IFT74: variants seen among roughly 807,000 people sequenced by gnomAD.
The protein encoded by IFT74 is intraflagellar transport protein 74 homolog.
In IFT74, 92 loss-of-function variants were observed where a neutral mutation model predicts 96.7. The ratio of observed to expected loss-of-function variants is 0.95; its 90% CI spans 0.80 to 1.13. The LOEUF is 1.13. IFT74 is among the 50% of genes most tolerant of loss of function. The pLI, the probability that IFT74 is intolerant of heterozygous loss-of-function variation, is 0.00. For synonymous variants in IFT74, 223 were observed against 213.2 expected (o/e 1.05, Z -0.40); for missense variants, 811 against 698.2 (o/e 1.16, Z -1.82).
At chr9:26,995,406 T>G (rs189071887) in intron 8 of IFT74, 1 of 638,172 alleles carries the variant, frequency 1.6e-6, no homozygotes, top group African/African-American at 1.8e-5. Flanking sequence ...TTCATGTATG[T>G]TGTCATTAAT....
intron 7 of IFT74, 48 bp downstream of exon 7, chr9:26,988,776 C>G: frequency 1.4e-6 from 2 of 1,397,888 alleles, no homozygotes; most frequent in Non-Finnish European, 1.9e-6. Context: ...TCATATCCTA[C>G]AAAACAAAGC....
chr9:26,999,545 A>T (rs1828360793), intron 8 of IFT74: 2 of 1,210,242 alleles, frequency 1.7e-6, no homozygotes, highest in East Asian at 2.5e-5. Flanking sequence ...TTGCCCTTTT[A>T]TATTTTACTA....
intron 4 of IFT74, among the ~76,000 whole-genome samples, chr9:26,982,057 C>T (rs764490469): frequency 1.3e-4 from 19 of 151,900 alleles, no homozygotes; most frequent in Non-Finnish European, 2.2e-4. Flanking sequence ...GCTGAGCCAC[C>T]GCACCTGGCC....
chr9:27,036,664 G>T, intron 13 of IFT74: 2 of 1,355,990 alleles, frequency 1.5e-6, no homozygotes. Context: ...GGCTACTTGT[G>T]TTCACTCTTT....
intron 8 of IFT74, chr9:26,998,270 A>G (rs1290329636): frequency 3.2e-6 from 4 of 1,268,504 alleles, no homozygotes; most frequent in Non-Finnish European, 4.2e-6. Context: ...GAAAGGCATT[A>G]ATCAGAAAAA....
At chr9:27,022,275 C>T (rs893028345) in intron 12 of IFT74, among the ~76,000 whole-genome samples, 1 of 152,094 alleles carries the variant, frequency 6.6e-6, no homozygotes, top group Non-Finnish European at 1.5e-5. Context: ...GTGATGTCTC[C>T]AGCTTTGTTC....
At chr9:27,010,312 T>A (rs1828994250) in intron 9 of IFT74, among the ~76,000 whole-genome samples, 1 of 151,184 alleles carries the variant, frequency 6.6e-6, no homozygotes, top group African/African-American at 2.4e-5. Flanking sequence ...ATTTTGAATC[T>A]CCTTTTCTGG....
rs1399991340 is a variant in IFT74, at chr9:27,064,282, CT to C, written c.*1551del. ...TTTCAGATGACTCCTGAGTATGTCTCTTTTTAGCCACCCTCAGCTGTTTTAT... is the reference window on the plus strand; with the variant it reads ...TTTCAGATGACTCCTGAGTATGTCTCTTTTAGCCACCCTCAGCTGTTTTAT... On this transcript the variant is annotated 3_prime_UTR_variant, in exon 20 of 20. Coordinates refer to ENST00000380062, the MANE Select transcript of IFT74 (RefSeq NM_025103.4). Among the ~76,000 whole-genome samples the C allele has an allele frequency of 1.3e-5, 2 of 152,012 alleles. No individual in the cohort carries two copies. The highest frequency in any genetic ancestry group is 2.9e-5 in the Non-Finnish European group (2 of 67,954).
rs1298244193 is a variant in IFT74 at position 27,065,522 on chromosome 9, T to G, written c.*2786T>G. Among the ~76,000 whole-genome samples, 1 of 152,230 alleles carries G rather than the reference T, an allele frequency of 6.6e-6. No individual in the cohort carries two copies. Among genetic ancestry groups the G allele is most frequent in the Non-Finnish European group, 1.5e-5 (1 of 68,032 alleles). The stretch of plus-strand genomic sequence containing the variant: ...AGTCTTTGTTTTTCCCATCCTTATC[T>G]TTTATCAGTAAATAAACATGAGTTC... On this transcript the variant is annotated 3_prime_UTR_variant, in exon 20 of 20. Coordinates refer to ENST00000380062, the MANE Select transcript of IFT74 (RefSeq NM_025103.4).
rs541147829 is a variant in IFT74 at position 27,062,946 on chromosome 9, C to A, written c.*210C>A. The A allele has an allele frequency of 1.0e-4, 47 of 465,036 alleles. 1 individual carries two copies. Among genetic ancestry groups the A allele is most frequent in the African/African-American group, 9.1e-4 (44 of 48,568 alleles). The allele number at this position is 465,036 out of a possible 1,614,324, so 28.8% of individuals were successfully genotyped here. A position where few individuals can be genotyped will look rare whatever the true frequency, so the allele number is the denominator to read the frequency against. On this transcript the variant is annotated 3_prime_UTR_variant, in exon 20 of 20. Coordinates refer to ENST00000380062, the MANE Select transcript of IFT74 (RefSeq NM_025103.4). The stretch of plus-strand genomic sequence containing the variant: ...ATATTAAAAAGTACCATCTTCTTTT[C>A]TTTTTATGCTACTTGTATTTGAACC...
rs751893169 is a variant in IFT74, at chr9:27,040,544, C to CAAAAAAAAAAAAAAAAA, written c.1055-4191_1055-4175dup. ...TGGGCAACAGAACGAGACACTGTCT[C>CAAAAAAAAAAAAAAAAA]AAAAAAAAAAAAAAAAAAAAAAAGA... is the stretch of plus-strand genomic sequence containing the variant. On this transcript the variant is annotated intron_variant, in intron 13 of 19. Coordinates refer to ENST00000380062, the MANE Select transcript of IFT74 (RefSeq NM_025103.4). 7.1e-4 allele frequency among the ~76,000 whole-genome samples: 44 copies of CAAAAAAAAAAAAAAAAA among 62,084 alleles called. 1 individual carries two copies. Among genetic ancestry groups the CAAAAAAAAAAAAAAAAA allele is most frequent in the African/African-American group, 2.4e-3 (43 of 17,772 alleles). 40.7% of individuals were successfully genotyped at this position (62,084 alleles called of 152,430 possible).
intron 2 of IFT74, among the ~76,000 whole-genome samples, chr9:26,972,558 G>C (rs10967634): frequency 0.077 from 11,697 of 152,244 alleles, 571 homozygotes; most frequent in African/African-American, 0.13. Flanking sequence ...ATGAACATCT[G>C]TTTCAGCTCT....
At chr9:26,958,191 A>G (rs971027270) in intron 1 of IFT74, among the ~76,000 whole-genome samples, 1 of 152,256 alleles carries the variant, frequency 6.6e-6, no homozygotes, top group African/African-American at 2.4e-5. Flanking sequence ...AAGATGATTA[A>G]GATTCAGCTC....
At chr9:26,992,642 G>C (rs1370296243) in intron 8 of IFT74, among the ~76,000 whole-genome samples, 2 of 151,952 alleles carry the variant, frequency 1.3e-5, no homozygotes, top group South Asian at 2.1e-4. Flanking sequence ...TCAGTAAGCC[G>C]AGATTGCGCC....
intron 19 of IFT74, among the ~76,000 whole-genome samples, chr9:27,062,055 G>A (rs986040945): frequency 2.0e-5 from 3 of 152,160 alleles, no homozygotes; most frequent in Non-Finnish European, 4.4e-5. Flanking sequence ...CTCCCCCAGG[G>A]TGGTGCTGAA....
chr9:27,045,261 C>G (rs887091498), intron 14 of IFT74, among the ~76,000 whole-genome samples: 7 of 152,110 alleles, frequency 4.6e-5, no homozygotes, highest in African/African-American at 1.7e-4. Context: ...AGAATCTAAC[C>G]CCTGATGATC....
At chr9:27,042,242 C>T (rs1017467076) in intron 13 of IFT74, among the ~76,000 whole-genome samples, 10 of 151,978 alleles carry the variant, frequency 6.6e-5, no homozygotes, top group Non-Finnish European at 1.5e-5. Flanking sequence ...AGTTCTTAAA[C>T]CACAAGAATG....
rs143964622 is a variant in IFT74 at position 27,000,500 on chromosome 9, A to G, written c.588-8520A>G. 8.5e-3 allele frequency among the ~76,000 whole-genome samples: 1,296 copies of G among 152,304 alleles called. 16 individuals are homozygous for G. Among genetic ancestry groups the G allele is most frequent in the African/African-American group, 0.029 (1,206 of 41,558 alleles). On this transcript the variant is annotated intron_variant, in intron 8 of 19. Transcript: ENST00000380062. ...CTTTTTCCCCCCATGGTAACTTTTA[A>G]AAATTTTATTGAGGCGTGGTAGATA...
chr9:27,018,666 A>G lies in IFT74; in HGVS notation c.953A>G (p.Glu318Gly). ...LLKQIKDDNQEIASMERQLTD... is the reference protein window; with the variant it reads ...LLKQIKDDNQGIASMERQLTD... ...TTGTAGATTAAAGATGATAATCAGGAAATAGCCAGCATGGAAAGACAGTAA... is the reference window on the plus strand; with the variant it reads ...TTGTAGATTAAAGATGATAATCAGGGAATAGCCAGCATGGAAAGACAGTAA... Residue 318 changes from glutamate (E) to glycine (G), a missense_variant, in exon 12 of 20, where the codon GAA (glutamate) becomes GGA (glycine). Coordinates refer to ENST00000380062, the MANE Select transcript of IFT74 (RefSeq NM_025103.4). 5.2e-6 allele frequency: 8 copies of G among 1,530,342 alleles called. No homozygotes were observed. Among genetic ancestry groups the G allele is most frequent in the Non-Finnish European group, 6.3e-6 (7 of 1,117,962 alleles). The allele number at this position is 1,530,342 out of a possible 1,614,324, so 94.8% of individuals were successfully genotyped here.
Sources: allele counts gnomAD v4.1 joint callset (sites outside exome capture counted in the v4.1 genomes callset), GRCh38; gene constraint gnomAD v4.1.1; transcripts MANE v1.5; gene names NCBI Gene and HGNC (gene_info 2026-07-23, HGNC 2026-07-21).